The following IL20RA variants were observed in gnomAD, a reference collection of about 807,000 sequenced individuals.
The protein encoded by IL20RA is interleukin-20 receptor subunit alpha.
A neutral mutation model predicts 36.5 loss-of-function variants in IL20RA; 29 were observed. The ratio of observed to expected loss-of-function variants is 0.79; its 90% CI spans 0.59 to 1.08. The LOEUF is 1.08. Among genes scored for constraint, IL20RA ranks in the 50% least tolerant of loss-of-function variants. The pLI is 0.00. For missense variants in IL20RA, 652 were observed against 668.4 expected (o/e 0.98, Z 0.27); for synonymous variants, 279 against 267.1 (o/e 1.04, Z -0.43).
chr6:137,044,422 G>T, intron 1 of IL20RA: 2 of 954,072 alleles, frequency 2.1e-6, no homozygotes, highest in Non-Finnish European at 2.7e-6. Flanking sequence ...CTGCAAACTT[G>T]ACCCCGAGCC....
At chr6:137,024,175 G>T (rs1331175814) in intron 1 of IL20RA, among the ~76,000 whole-genome samples, 1 of 152,096 alleles carries the variant, frequency 6.6e-6, no homozygotes, top group Non-Finnish European at 1.5e-5. Flanking sequence ...AAAGAAATAC[G>T]ATTTGATAAC....
intron 1 of IL20RA, among the ~76,000 whole-genome samples, chr6:137,028,573 T>C (rs1421525737): frequency 6.6e-6 from 1 of 152,122 alleles, no homozygotes; most frequent in Non-Finnish European, 1.5e-5. Context: ...GAAAAATTGG[T>C]GTTATTTCTT....
chr6:137,044,719 G>T lies in IL20RA; in HGVS notation c.10C>A (p.Pro4Thr). 8.2e-7 allele frequency: 1 copy of T among 1,219,280 alleles called. No homozygotes were observed. Among genetic ancestry groups the T allele is most frequent in the South Asian group, 4.1e-5 (1 of 24,330 alleles). 75.5% of individuals were successfully genotyped at this position (1,219,280 alleles called of 1,614,324 possible). Residue 4 changes from proline (P) to threonine (T), a missense_variant, in exon 1 of 7, where the codon CCC (proline) becomes ACC (threonine). Coordinates refer to ENST00000316649, the MANE Select transcript of IL20RA (RefSeq NM_014432.4). ...AGCGGCCGCAGGGCCGGGCGGCCGGGAGCCCGCATGGGCGGCGGGGCTGGG... is the reference window on the plus strand; with the variant it reads ...AGCGGCCGCAGGGCCGGGCGGCCGGTAGCCCGCATGGGCGGCGGGGCTGGG... MRA[P>T]GRPALRPLPL... is the part of the protein sequence containing the mutation.
chr6:137,042,525 T>A (rs546694819), intron 1 of IL20RA, among the ~76,000 whole-genome samples: 1 of 152,298 alleles, frequency 6.6e-6, no homozygotes, highest in East Asian at 1.9e-4. Context: ...AACTTCACTG[T>A]GAAATTCTGT....
chr6:137,028,016 C>T (rs1438840573), intron 1 of IL20RA, among the ~76,000 whole-genome samples: 1 of 152,180 alleles, frequency 6.6e-6, no homozygotes, highest in Admixed American at 6.5e-5. Context: ...TTAAGCTTTT[C>T]CTGGTGGAAC....
Position 137,004,654 on chromosome 6 carries a change from G to GAT in IL20RA, c.829_830dup (p.His278SerfsTer12). ...CTGGGTGTTTCTCTTTGCCAACGTGGATATATCGGTAGATGGAATAGCCCA... is the reference window on the plus strand; with the variant it reads ...CTGGGTGTTTCTCTTTGCCAACGTGGATATATATCGGTAGATGGAATAGCCCA... On this transcript the variant is annotated frameshift_variant, in exon 6 of 7. Coordinates refer to ENST00000316649, the MANE Select transcript of IL20RA (RefSeq NM_014432.4). LOFTEE classifies it low-confidence loss of function (END_TRUNC). The GAT allele has an allele frequency of 2.5e-6, 4 of 1,613,654 alleles. No individual in the cohort carries two copies. The highest frequency in any genetic ancestry group is 3.4e-6 in the Non-Finnish European group (4 of 1,179,874).
chr6:137,028,351 G>A (rs899104794), intron 1 of IL20RA, among the ~76,000 whole-genome samples: 1 of 150,498 alleles, frequency 6.6e-6, no homozygotes, highest in South Asian at 2.1e-4. Context: ...TTGGGAGACA[G>A]GTTGCAGTGA....
At chr6:137,029,122 T>G (rs2115410834) in intron 1 of IL20RA, among the ~76,000 whole-genome samples, 2 of 152,354 alleles carry the variant, frequency 1.3e-5, no homozygotes, top group South Asian at 4.1e-4. Context: ...TATTATTAAT[T>G]TGTATAAGCC....
chr6:137,005,845 A>C (rs1172812004), intron 5 of IL20RA, among the ~76,000 whole-genome samples: 1 of 152,166 alleles, frequency 6.6e-6, no homozygotes, highest in Non-Finnish European at 1.5e-5. Flanking sequence ...TGCAAACATC[A>C]ACTCTTCCGT....
chr6:137,012,653 T>C (rs1318983732), intron 2 of IL20RA, among the ~76,000 whole-genome samples: 1 of 151,984 alleles, frequency 6.6e-6, no homozygotes, highest in Non-Finnish European at 1.5e-5. Context: ...GGAAACAAAA[T>C]AAAGTCTAGG....
intron 1 of IL20RA, among the ~76,000 whole-genome samples, chr6:137,020,494 A>C: frequency 1.0e-5 from 1 of 96,408 alleles, no homozygotes. Flanking sequence ...CACTAAAAAA[A>C]AAAAAAAAAC....
chr6:137,032,606 C>T (rs1298311148), intron 1 of IL20RA, among the ~76,000 whole-genome samples: 3 of 152,212 alleles, frequency 2.0e-5, no homozygotes, highest in Admixed American at 6.5e-5. Context: ...TGTTGCATTT[C>T]TTTTAACTTT....
intron 1 of IL20RA, among the ~76,000 whole-genome samples, chr6:137,019,096 A>G (rs1775811369): frequency 6.6e-6 from 1 of 151,560 alleles, no homozygotes; most frequent in Admixed American, 6.6e-5. Flanking sequence ...ATCTGTACAA[A>G]TCTTTATCTT....
At position 137,000,182 on chromosome 6, in the gene IL20RA, C is replaced by T. The variant is rs1366773218; in HGVS notation, c.*1376G>A. 6.6e-6 allele frequency: 1 copy of T among 152,138 alleles called. No homozygotes were observed. The highest frequency in any genetic ancestry group is 2.4e-5 in the African/African-American group (1 of 41,428). 9.4% of individuals were successfully genotyped at this position (152,138 alleles called of 1,614,324 possible). On this transcript the variant is annotated 3_prime_UTR_variant, in exon 7 of 7. Transcript: ENST00000316649. ...GAAACTGTTTGCATTTGCGGATAAT[C>T]ACGAAAGGTCATGACCCCAGAATCC... is the stretch of plus-strand genomic sequence containing the variant.
intron 1 of IL20RA, among the ~76,000 whole-genome samples, chr6:137,038,722 A>AT (rs200435252): frequency 2.6e-5 from 4 of 152,020 alleles, no homozygotes; most frequent in South Asian, 2.1e-4. Context: ...TCAGATGATC[A>AT]TTTTTTTTAA....
At chr6:137,036,929 C>A (rs1321537938) in intron 1 of IL20RA, among the ~76,000 whole-genome samples, 1 of 151,878 alleles carries the variant, frequency 6.6e-6, no homozygotes, top group Non-Finnish European at 1.5e-5. Flanking sequence ...TGATGTTGAG[C>A]AAAAAAACCA....
Position 137,002,341 on chromosome 6 carries a change from T to G in IL20RA, c.879A>C (p.Gly293=). ...KHPANLILIY[G]NEFDKRFFVP... The stretch of plus-strand genomic sequence containing the variant: ...CAAAGAATCTTTTGTCAAATTCATT[T>G]CCATAAATCAAAATCTATAAAGAGA... Residue 293 remains glycine, a synonymous_variant, in exon 7 of 7, where the codon GGA becomes GGC. Coordinates refer to ENST00000316649, the MANE Select transcript of IL20RA (RefSeq NM_014432.4). 2 of 1,591,450 alleles carry G rather than the reference T, an allele frequency of 1.3e-6. No individual in the cohort carries two copies.
At position 137,001,806 on chromosome 6, in the gene IL20RA, C is replaced by T. The variant is rs1440613892; in HGVS notation, c.1414G>A (p.Glu472Lys). ...QEHTDSEEGP[E>K]EEPSTTLVDW... ...ACCAGGGTCGTCGATGGCTCTTCCT[C>T]CGGCCCCTCCTCCGAGTCTGTGTGC... The change falls in exon 7 of 7, where the codon GAG (glutamate) becomes AAG (lysine). Residue 472 changes from glutamate (E) to lysine (K), a missense_variant. Physicochemically the swap from Glu to Lys is moderately conservative, Grantham distance 56. Coordinates refer to ENST00000316649, the MANE Select transcript of IL20RA (RefSeq NM_014432.4). 1 of 1,613,370 alleles carries T rather than the reference C, an allele frequency of 6.2e-7. No homozygotes were observed. The highest frequency in any genetic ancestry group is 1.7e-5 in the Admixed American group (1 of 59,990).
intron 1 of IL20RA, among the ~76,000 whole-genome samples, chr6:137,022,215 T>C (rs1033407591): frequency 6.6e-6 from 1 of 152,180 alleles, no homozygotes; most frequent in Non-Finnish European, 1.5e-5. Context: ...CCACATTTTG[T>C]CATAGGAGGT....
Sources: gnomAD v4.1 joint callset for allele counts (sites outside exome capture counted in the v4.1 genomes callset) on GRCh38, gnomAD v4.1.1 for gene constraint, MANE v1.5 for transcripts, NCBI Gene and HGNC (gene_info 2026-07-23, HGNC 2026-07-21) for gene names.